Variants in PHF24 observed in about 807,000 individuals in gnomAD.
PHF24 encodes Galpha inhibitory interacting protein.
PHF24 carries 25 observed loss-of-function variants against 42.6 expected under a neutral mutation model. The observed-to-expected ratio is 0.59, with a 90% CI of 0.43 to 0.82. PHF24 has a LOEUF of 0.82. Among genes scored for constraint, PHF24 ranks in the 40% least tolerant of loss-of-function variants. The pLI is 0.00. For missense variants in PHF24, 470 were observed against 538.1 expected, an observed-to-expected ratio of 0.87 and a Z score of 1.25; for synonymous variants, 185 against 204.8, an observed-to-expected ratio of 0.90 and a Z score of 0.83.
the PHF24 span, among the ~76,000 whole-genome samples, chr9:34,907,796 G>A: frequency 5.3e-5 from 8 of 150,718 alleles, no homozygotes; most frequent in Middle Eastern, 0.01. Flanking sequence ...TTCTTTCTTC[G>A]CTGTAGTTTT....
the PHF24 span, chr9:34,917,037 C>A: frequency 1.7e-6 from 1 of 580,002 alleles, no homozygotes; most frequent in Admixed American, 2.6e-5. Flanking sequence ...GAACACAAAT[C>A]ATGAGGGAGA....
chr9:34,783,001 C>T, the PHF24 span, among the ~76,000 whole-genome samples: 5 of 152,254 alleles, frequency 3.3e-5, no homozygotes, highest in Middle Eastern at 3.4e-3. Context: ...TTGTTTCTGA[C>T]CTGTTTCTGA....
chr9:34,763,887 G>A, the PHF24 span, among the ~76,000 whole-genome samples: 1 of 152,132 alleles, frequency 6.6e-6, no homozygotes, highest in African/African-American at 2.4e-5. Flanking sequence ...TACCTAATTT[G>A]TTGAGAGTTT....
chr9:34,694,388 T>TGGCAAAATCTCAGCTCACTGCAAC, the PHF24 span, among the ~76,000 whole-genome samples: 1 of 151,836 alleles, frequency 6.6e-6, no homozygotes, highest in African/African-American at 2.4e-5. Context: ...TGGAGTGCAA[T>TGGCAAAATCTCAGCTCACTGCAAC]GGCACAATCT....
chr9:34,961,504 TATG>T (rs1158290998), intron 1 of PHF24, among the ~76,000 whole-genome samples: 1 of 152,238 alleles, frequency 6.6e-6, no homozygotes, highest in East Asian at 1.9e-4. Context: ...GCTAGATAAA[TATG>T]AGAGTTTCTT....
chr9:34,953,404 C>T (rs894260302), upstream of PHF24, among the ~76,000 whole-genome samples: 1 of 152,146 alleles, frequency 6.6e-6, no homozygotes, highest in African/African-American at 2.4e-5. The surrounding 1 kb of genome is among the most constrained non-coding windows in gnomAD (Gnocchi z 4.1). Flanking sequence ...TCTGAAGGCA[C>T]TGGGATTATA....
the PHF24 span, among the ~76,000 whole-genome samples, chr9:34,746,223 A>T: frequency 3.9e-5 from 6 of 152,358 alleles, no homozygotes; most frequent in East Asian, 9.6e-4. Context: ...AACTGGAAAT[A>T]GATAAGCTGT....
the PHF24 span, among the ~76,000 whole-genome samples, chr9:34,908,382 G>GA: frequency 1.9e-4 from 28 of 151,024 alleles, no homozygotes; most frequent in East Asian, 1.5e-3. Flanking sequence ...GACGGAAACA[G>GA]AAAAAAAAAT....
At chr9:34,853,856 C>G in the PHF24 span, among the ~76,000 whole-genome samples, 1 of 151,624 alleles carries the variant, frequency 6.6e-6, no homozygotes, top group Non-Finnish European at 1.5e-5. Context: ...AGAAATGGCA[C>G]CAGCTCTTCT....
chr9:34,674,706 T>G, the PHF24 span, among the ~76,000 whole-genome samples: 1 of 152,276 alleles, frequency 6.6e-6, no homozygotes, highest in African/African-American at 2.4e-5. Context: ...GTGTTTGTAC[T>G]GTGATTATAT....
the PHF24 span, among the ~76,000 whole-genome samples, chr9:34,884,796 A>G: frequency 6.6e-6 from 1 of 152,212 alleles, no homozygotes; most frequent in East Asian, 1.9e-4. Context: ...AGGACTGAAC[A>G]AAACAAGGTG....
chr9:34,836,167 C>T, the PHF24 span: 1 of 393,882 alleles, frequency 2.5e-6, no homozygotes, highest in Non-Finnish European at 5.1e-6. Flanking sequence ...GAAGCCTACA[C>T]CCCCTTCATG....
chr9:34,739,151 T>G, the PHF24 span, among the ~76,000 whole-genome samples: 1 of 152,248 alleles, frequency 6.6e-6, no homozygotes, highest in African/African-American at 2.4e-5. Context: ...GAAACCTATT[T>G]ATTCATTATC....
chr9:34,922,757 A>C, the PHF24 span: 1 of 1,591,418 alleles, frequency 6.3e-7, no homozygotes, highest in Non-Finnish European at 8.5e-7. Context: ...AAGATGACCT[A>C]CGGGCTCCTA....
the PHF24 span, among the ~76,000 whole-genome samples, chr9:34,865,379 C>T: frequency 1.3e-5 from 2 of 151,746 alleles, no homozygotes; most frequent in Non-Finnish European, 1.5e-5. Flanking sequence ...CCCTGGCCAA[C>T]ATTGTGAAAC....
the PHF24 span, among the ~76,000 whole-genome samples, chr9:34,748,638 G>A: frequency 4.6e-5 from 7 of 152,136 alleles, no homozygotes; most frequent in South Asian, 2.1e-4. Flanking sequence ...TGGTTGGGGC[G>A]TCCCTTAATG....
At chr9:34,917,578 G>T in the PHF24 span, 1 of 775,440 alleles carries the variant, frequency 1.3e-6, no homozygotes, top group Non-Finnish European at 2.4e-6. Context: ...TTGGCATGGA[G>T]CAGGAATATA....
chr9:34,689,654 GCTCACA>G, the PHF24 span: 7 of 747,180 alleles, frequency 9.4e-6, no homozygotes, highest in African/African-American at 5.3e-5. The surrounding 1 kb of genome is among the most constrained non-coding windows in gnomAD (Gnocchi z 4.1). Flanking sequence ...TCACCCTCTC[GCTCACA>G]CTCACACTCA....
the PHF24 span, among the ~76,000 whole-genome samples, chr9:34,895,936 A>T: frequency 1.2e-4 from 18 of 152,258 alleles, no homozygotes; most frequent in African/African-American, 4.1e-4. Flanking sequence ...CAATGTTCAG[A>T]TGAGGGTGTC....
Sources: gnomAD v4.1 joint callset for allele counts (sites outside exome capture counted in the v4.1 genomes callset) on GRCh38, gnomAD v4.1.1 for gene constraint, Gnocchi (gnomAD v3.1) non-coding constraint, MANE v1.5 for transcripts, NCBI Gene and HGNC (gene_info 2026-07-23, HGNC 2026-07-21) for gene names.